The following NUDT6 variants were observed in gnomAD, a reference collection of about 807,000 sequenced individuals.
NUDT6 encodes FAD diphosphatase NUDT6.
Under a neutral mutation model 36.8 loss-of-function variants are expected in NUDT6, and 24 were observed. That is an observed-to-expected ratio of 0.65 (90% CI 0.47 to 0.92). The LOEUF (loss-of-function observed/expected upper bound fraction) is 0.92. Among genes scored for constraint, NUDT6 ranks in the 40% least tolerant of loss-of-function variants. The probability of loss-of-function intolerance (pLI) is 0.00; values close to 1 mark genes in which losing one functional copy is unlikely to be tolerated. For missense variants in NUDT6, 388 were observed against 392.8 expected (o/e 0.99, Z 0.10); for synonymous variants, 163 against 157.0 (o/e 1.04, Z -0.29).
chr4:122,905,172 C>T (rs574364542), intron 3 of NUDT6, among the ~76,000 whole-genome samples: 4 of 152,130 alleles, frequency 2.6e-5, no homozygotes, highest in African/African-American at 9.7e-5. Flanking sequence ...CTGATTGGCG[C>T]GTTTAGAATC....
intron 3 of NUDT6, among the ~76,000 whole-genome samples, chr4:122,900,652 A>G (rs889710605): frequency 2.6e-5 from 4 of 151,782 alleles, no homozygotes; most frequent in African/African-American, 9.7e-5. Flanking sequence ...TCGATTTGAT[A>G]TTTTCTCACT....
intron 2 of NUDT6, among the ~76,000 whole-genome samples, chr4:122,916,346 C>T (rs562861922): frequency 1.3e-5 from 2 of 152,286 alleles, no homozygotes; most frequent in African/African-American, 4.8e-5. Flanking sequence ...CTTCAAAATT[C>T]TACTCTACAC....
chr4:122,905,090 T>G (rs1204844035), intron 3 of NUDT6, among the ~76,000 whole-genome samples: 1 of 152,132 alleles, frequency 6.6e-6, no homozygotes, highest in Non-Finnish European at 1.5e-5. Flanking sequence ...TTTTATTTCC[T>G]TATTTGTCCC....
intron 3 of NUDT6, among the ~76,000 whole-genome samples, chr4:122,907,170 G>A (rs1008412234): frequency 9.2e-5 from 14 of 151,918 alleles, no homozygotes; most frequent in Non-Finnish European, 1.8e-4. Flanking sequence ...TCACTCTGTC[G>A]CCCTGGCTGG....
intron 3 of NUDT6, among the ~76,000 whole-genome samples, chr4:122,912,278 C>A (rs1727746424): frequency 6.6e-6 from 1 of 152,110 alleles, no homozygotes; most frequent in South Asian, 2.1e-4. Context: ...GGAAGAATAT[C>A]TTGGTAATAT....
chr4:122,922,891 T>G, upstream of NUDT6: 1 of 569,558 alleles, frequency 1.8e-6, no homozygotes, highest in Non-Finnish European at 3.1e-6. Context: ...TTTCAGGAAT[T>G]TACAATCTAA....
At chr4:122,922,866 C>G (rs1421646864), upstream of NUDT6, 2 of 561,454 alleles carry the variant, frequency 3.6e-6, no homozygotes, top group Non-Finnish European at 6.2e-6. Flanking sequence ...GGAGGAGATG[C>G]AAAAACGTCC....
intron 1 of NUDT6, chr4:122,918,005 A>G: frequency 3.1e-6 from 1 of 319,944 alleles, no homozygotes. Context: ...TAGAGTGGAC[A>G]AATAAAAGGA....
chr4:122,895,305 G>T (rs1318236660), intron 4 of NUDT6: 2 of 152,202 alleles, frequency 1.3e-5, no homozygotes, highest in Non-Finnish European at 2.9e-5. Flanking sequence ...GAAAAACTAA[G>T]AGGTTTTGTT....
In NUDT6 at chr4:122,912,585, CA is replaced by C; in HGVS notation, c.480del (p.Val161TyrfsTer7). 6.3e-7 allele frequency: 1 copy of C among 1,593,162 alleles called. No homozygotes were observed. Among genetic ancestry groups the C allele is most frequent in the Non-Finnish European group, 8.6e-7 (1 of 1,161,782 alleles). On this transcript the variant is annotated frameshift_variant, in exon 3 of 5. Coordinates refer to ENST00000304430, the MANE Select transcript of NUDT6 (RefSeq NM_007083.5). LOFTEE classifies it high-confidence loss of function. ...VFDESTRKIL[V>X]VQDRNKLKNM... ...CAGCTTACTTTATTTCGATCTTGTA[CA>C]ACCAGTATTTTTCTAGTACTTTCAT...
chr4:122,897,728 C>T, intron 3 of NUDT6, 50 bp from the exon 4 acceptor site: 2 of 1,213,228 alleles, frequency 1.6e-6, no homozygotes, highest in Non-Finnish European at 2.5e-6. Flanking sequence ...CACTAACACA[C>T]ACATATGTAG....
chr4:122,912,758 C>G (rs1458711677), intron 2 of NUDT6, 135 bp from the exon 3 acceptor site: 4 of 614,674 alleles, frequency 6.5e-6, no homozygotes, highest in Non-Finnish European at 1.2e-5. Flanking sequence ...GTTGAGTATT[C>G]CTTATCTAAA....
chr4:122,917,956 A>G (rs1295692132), intron 1 of NUDT6: 1 of 461,288 alleles, frequency 2.2e-6, no homozygotes, highest in Non-Finnish European at 3.9e-6. Context: ...CCATACCACC[A>G]AAGACAATGC....
At chr4:122,914,910 G>T (rs890210899) in intron 2 of NUDT6, among the ~76,000 whole-genome samples, 2 of 152,082 alleles carry the variant, frequency 1.3e-5, no homozygotes, top group African/African-American at 2.4e-5. Flanking sequence ...TTACATACAT[G>T]ATATAATAGA....
At chr4:122,905,892 A>G (rs1470392356) in intron 3 of NUDT6, among the ~76,000 whole-genome samples, 3 of 152,148 alleles carry the variant, frequency 2.0e-5, no homozygotes, top group Non-Finnish European at 4.4e-5. Flanking sequence ...AATATTCCAG[A>G]CTATTTCTGA....
In NUDT6 at chr4:122,912,630, G is replaced by A. The variant is rs1257179002; in HGVS notation, c.443-7C>T. 1.3e-6 allele frequency: 2 copies of A among 1,522,878 alleles called. No individual in the cohort carries two copies. The highest frequency in any genetic ancestry group is 2.3e-5 in the South Asian group (2 of 88,600). 94.3% of individuals were successfully genotyped at this position (1,522,878 alleles called of 1,614,324 possible). A position where few individuals can be genotyped will look rare whatever the true frequency, so the allele number is the denominator to read the frequency against. ...CTTTCATCAAATACAGCTCCTATTA[G>A]GGGAAAAAGAAAAGATAATTGAGAA... On this transcript the variant is annotated splice_polypyrimidine_tract_variant and splice_region_variant and intron_variant, in intron 2 of 4. Coordinates refer to ENST00000304430, the MANE Select transcript of NUDT6 (RefSeq NM_007083.5).
chr4:122,897,293 T>G (rs1727392069), intron 4 of NUDT6: 1 of 244,102 alleles, frequency 4.1e-6, no homozygotes, highest in Non-Finnish European at 7.9e-6. Flanking sequence ...CCAACAACAA[T>G]ATTAGTCGTA....
chr4:122,922,614 C>T (rs991996688), upstream of NUDT6: 1 of 1,526,080 alleles, frequency 6.6e-7, no homozygotes, highest in Non-Finnish European at 8.9e-7. Flanking sequence ...ATGACCCCTC[C>T]GCGCTCCAGA....
chr4:122,921,313 A>G (rs1727980696), intron 1 of NUDT6: 1 of 152,222 alleles, frequency 6.6e-6, no homozygotes, highest in African/African-American at 2.4e-5. Context: ...ACTATATTCA[A>G]TAAAGATTCA....
Sources: allele counts gnomAD v4.1 joint callset (sites outside exome capture counted in the v4.1 genomes callset), GRCh38; gene constraint gnomAD v4.1.1; transcripts MANE v1.5; gene names NCBI Gene and HGNC (gene_info 2026-07-23, HGNC 2026-07-21).